Variants in ALK observed in about 807,000 individuals in gnomAD.
ALK encodes ALK receptor tyrosine kinase.
A neutral mutation model predicts 163.1 loss-of-function variants in ALK; 74 were observed. That is an observed-to-expected ratio of 0.45 (90% CI 0.38 to 0.55). The LOEUF (loss-of-function observed/expected upper bound fraction) is 0.55, where lower values mean the gene tolerates loss of function less well. Ranked by LOEUF, ALK falls within the 20% of genes least tolerant of loss-of-function variation. The pLI, the probability that ALK is intolerant of heterozygous loss-of-function variation, is 0.00. For synonymous variants in ALK, 960 were observed against 843.2 expected (o/e 1.14, Z -2.40); for missense variants, 2,063 against 2,105.3 (o/e 0.98, Z 0.39).
chr2:29,881,214 G>T (rs554640396), intron 1 of ALK, among the ~76,000 whole-genome samples: 1 of 152,330 alleles, frequency 6.6e-6, no homozygotes, highest in South Asian at 2.1e-4. Flanking sequence ...CATTTCCAAA[G>T]AGCTGAGCCT....
chr2:29,227,181 T>G lies in ALK; in HGVS notation c.2915-107A>C. ...ACTGTGGGTGCTCTGGTGGTCCCTG[T>G]TCCTAGGTCCCATAGCCACTGGAAG... On this transcript the variant is annotated intron_variant, in intron 17 of 28. Coordinates refer to ENST00000389048, the MANE Select transcript of ALK (RefSeq NM_004304.5). This position sits in a 1 kb window ranked among gnomAD's most constrained non-coding sequence, Gnocchi z 4.4. 3 of 1,443,364 alleles carry G rather than the reference T, an allele frequency of 2.1e-6. No individual in the cohort carries two copies. Among genetic ancestry groups the G allele is most frequent in the Non-Finnish European group, 2.9e-6 (3 of 1,029,944 alleles). The allele number at this position is 1,443,364 out of a possible 1,614,324, so 89.4% of individuals were successfully genotyped here. A position where few individuals can be genotyped will look rare whatever the true frequency, so the allele number is the denominator to read the frequency against.
At chr2:29,233,415 G>T in intron 14 of ALK, 150 bp downstream of exon 14, 2 of 1,174,344 alleles carry the variant, frequency 1.7e-6, no homozygotes, top group Non-Finnish European at 1.3e-6. Flanking sequence ...CAAAATACTA[G>T]GATTACAGGA....
In ALK at chr2:29,401,317, C is replaced by A. The variant is rs147300436; in HGVS notation, c.1155-17458G>T. Among the ~76,000 whole-genome samples, 828 of 152,260 alleles carry A rather than the reference C, an allele frequency of 5.4e-3. 8 individuals are homozygous for A. The highest frequency in any genetic ancestry group is 0.019 in the African/African-American group (797 of 41,538). On this transcript the variant is annotated intron_variant, in intron 4 of 28. Transcript: ENST00000389048. ...TCTCTTTCGAATACTCCACAACCCC[C>A]TCAGGTAGTGTCTGCTGTTACTTTC...
At chr2:29,206,949 A>C (rs1044019067) in intron 26 of ALK, among the ~76,000 whole-genome samples, 2 of 152,190 alleles carry the variant, frequency 1.3e-5, no homozygotes, top group Non-Finnish European at 2.9e-5. Flanking sequence ...GACCTTCTGA[A>C]TCATAAATTC....
chr2:29,703,388 T>C (rs1678805701), intron 2 of ALK, among the ~76,000 whole-genome samples: 2 of 152,214 alleles, frequency 1.3e-5, no homozygotes, highest in Non-Finnish European at 2.9e-5. Context: ...TTGTCATGAA[T>C]GATTCACAGG....
intron 1 of ALK, among the ~76,000 whole-genome samples, chr2:29,784,863 A>G (rs2148352986): frequency 6.6e-6 from 1 of 152,218 alleles, no homozygotes; most frequent in East Asian, 1.9e-4. Flanking sequence ...TTGTTTAGCA[A>G]GAGATGCAGT....
chr2:29,765,124 T>C (rs1017363266), intron 1 of ALK, among the ~76,000 whole-genome samples: 8 of 152,184 alleles, frequency 5.3e-5, no homozygotes, highest in African/African-American at 1.9e-4. Flanking sequence ...ATATGCTTCT[T>C]GTATATCCTG....
At chr2:29,819,672 G>C (rs1176128971) in intron 1 of ALK, among the ~76,000 whole-genome samples, 4 of 152,214 alleles carry the variant, frequency 2.6e-5, no homozygotes. Context: ...TTAGGAAATG[G>C]TTAAAACAAG....
At chr2:29,230,285 T>C (rs975416874) in intron 15 of ALK, among the ~76,000 whole-genome samples, 1 of 97,530 alleles carries the variant, frequency 1.0e-5, no homozygotes, top group African/African-American at 3.4e-5. Flanking sequence ...AAAGACACAA[T>C]CATCTTTTTT....
chr2:29,678,046 T>A (rs1170215619), intron 3 of ALK, among the ~76,000 whole-genome samples: 1 of 152,048 alleles, frequency 6.6e-6, no homozygotes, highest in Non-Finnish European at 1.5e-5. Flanking sequence ...GTCCCTTTTA[T>A]CTAAGTTGTC....
chr2:29,439,088 T>C (rs1242656612), intron 4 of ALK, among the ~76,000 whole-genome samples: 6 of 152,170 alleles, frequency 3.9e-5, no homozygotes, highest in Non-Finnish European at 8.8e-5. Flanking sequence ...CGAGGACATC[T>C]GCAAGTCCTG....
chr2:29,508,462 C>T lies in ALK; in HGVS notation c.1154+23453G>A, dbSNP rs111262312. Among the ~76,000 whole-genome samples, 419 of 152,068 alleles carry T rather than the reference C, an allele frequency of 2.8e-3. 1 individual carries two copies. The highest frequency in any genetic ancestry group is 9.7e-3 in the African/African-American group (402 of 41,480). On this transcript the variant is annotated intron_variant, in intron 4 of 28. Coordinates refer to ENST00000389048, the MANE Select transcript of ALK (RefSeq NM_004304.5). ...ATCGCAGGGACAAAAAACCAAACAC[C>T]GCGTGTTCTCACTCATAGGTGGGAA... is the stretch of plus-strand genomic sequence containing the variant.
chr2:29,393,111 C>G (rs1308962470), intron 4 of ALK, among the ~76,000 whole-genome samples: 1 of 152,128 alleles, frequency 6.6e-6, no homozygotes, highest in Non-Finnish European at 1.5e-5. Context: ...TACCCCTAGA[C>G]CCCCTACTCC....
At chr2:29,428,465 A>G (rs367705562) in intron 4 of ALK, among the ~76,000 whole-genome samples, 12 of 152,012 alleles carry the variant, frequency 7.9e-5, no homozygotes, top group African/African-American at 2.4e-4. Context: ...AAAAAGGATT[A>G]TAAAGGAATA....
chr2:29,373,571 C>A (rs567276167), intron 5 of ALK, among the ~76,000 whole-genome samples: 2 of 152,280 alleles, frequency 1.3e-5, no homozygotes, highest in South Asian at 2.1e-4. Flanking sequence ...TTCCAATGAT[C>A]GAATATTTAA....
chr2:29,430,140 C>T (rs1670238925), intron 4 of ALK, among the ~76,000 whole-genome samples: 2 of 151,964 alleles, frequency 1.3e-5, no homozygotes, highest in Admixed American at 1.3e-4. Flanking sequence ...TCAAATTTGG[C>T]AATGGATTCT....
chr2:29,533,351 T>C (rs1305740997), intron 3 of ALK, among the ~76,000 whole-genome samples: 1 of 152,184 alleles, frequency 6.6e-6, no homozygotes, highest in Non-Finnish European at 1.5e-5. Flanking sequence ...AGACAAAGAA[T>C]TGGGAAGATC....
chr2:29,201,249 C>T (rs186991969), intron 26 of ALK, among the ~76,000 whole-genome samples: 1 of 152,160 alleles, frequency 6.6e-6, no homozygotes, highest in African/African-American at 2.4e-5. Flanking sequence ...TCTTTAGTTT[C>T]ATCTATCAGA....
At position 29,288,959 on chromosome 2, in the gene ALK, T is replaced by TAAAAAA. The variant is rs1491072132; in HGVS notation, c.1817+7928_1817+7929insTTTTTT. ...AGAGGGAGACTCCTTCTCAAAAAAA[T>TAAAAAA]AAATAAATAAATAAATAAATAAATA... On this transcript the variant is annotated intron_variant, in intron 9 of 28. Transcript: ENST00000389048. 8.0e-5 allele frequency among the ~76,000 whole-genome samples: 2 copies of TAAAAAA among 24,992 alleles called. 1 individual carries two copies. The highest frequency in any genetic ancestry group is 2.2e-4 in the Non-Finnish European group (2 of 9,252). The allele number at this position is 24,992 out of a possible 152,430, so 16.4% of individuals were successfully genotyped here. A position where few individuals can be genotyped will look rare whatever the true frequency, so the allele number is the denominator to read the frequency against.
Sources: gnomAD v4.1 joint callset for allele counts (sites outside exome capture counted in the v4.1 genomes callset) on GRCh38, gnomAD v4.1.1 for gene constraint, Gnocchi (gnomAD v3.1) non-coding constraint, MANE v1.5 for transcripts, NCBI Gene and HGNC (gene_info 2026-07-23, HGNC 2026-07-21) for gene names.